EFCAB11: variants seen among roughly 807,000 people sequenced by gnomAD.
EFCAB11 encodes the protein EF-hand calcium binding domain 11, also known as EF-hand calcium-binding domain-containing protein 11.
In EFCAB11, 14 loss-of-function variants were observed where a neutral mutation model predicts 23.0. The ratio of observed to expected loss-of-function variants is 0.61; its 90% confidence interval spans 0.40 to 0.95. EFCAB11 has a LOEUF of 0.95. Ranked by LOEUF, EFCAB11 falls within the 40% of genes least tolerant of loss-of-function variation. EFCAB11 has a pLI of 0.00. For synonymous variants in EFCAB11, 65 were observed against 66.6 expected, an observed-to-expected ratio of 0.98 and a Z score of 0.11; for missense variants, 198 against 195.8, an observed-to-expected ratio of 1.01 and a Z score of -0.07.
At chr14:89,867,983 G>A (rs760491109) in intron 5 of EFCAB11, among the ~76,000 whole-genome samples, 20 of 152,182 alleles carry the variant, frequency 1.3e-4, no homozygotes, top group Admixed American at 1.2e-3. Flanking sequence ...CCACACTAGC[G>A]ATTAACGATG....
chr14:89,840,353 T>C (rs749292178), intron 5 of EFCAB11, among the ~76,000 whole-genome samples: 1 of 152,250 alleles, frequency 6.6e-6, no homozygotes, highest in African/African-American at 2.4e-5. Flanking sequence ...AATTGTTTTG[T>C]ACTTTGCATA....
chr14:89,898,355 TTTTG>T (rs1438707759), intron 5 of EFCAB11, among the ~76,000 whole-genome samples: 5 of 137,354 alleles, frequency 3.6e-5, no homozygotes, highest in African/African-American at 1.3e-4. Context: ...TTTTTCTCGT[TTTTG>T]TTTTTGTTTT....
chr14:89,954,655 G>A lies in EFCAB11; in HGVS notation c.6C>T (p.Phe2=). 6.2e-7 allele frequency: 1 copy of A among 1,611,952 alleles called. No individual in the cohort carries two copies. The highest frequency in any genetic ancestry group is 8.5e-7 in the Non-Finnish European group (1 of 1,179,680). Residue 2 remains phenylalanine (F), a synonymous_variant, in exon 1 of 6, where the codon TTC becomes TTT. Coordinates refer to ENST00000316738, the MANE Select transcript of EFCAB11 (RefSeq NM_145231.4). ...GCGACCTGGCTCTGGCCTCGGAGAAGAACATCGCGACTACAACAACCGAGC... is the reference window on the plus strand; with the variant it reads ...GCGACCTGGCTCTGGCCTCGGAGAAAAACATCGCGACTACAACAACCGAGC... The part of the protein sequence containing the change: M[F]FSEARARSRT...
intron 5 of EFCAB11, among the ~76,000 whole-genome samples, chr14:89,798,770 G>A (rs907546678): frequency 1.3e-5 from 2 of 152,002 alleles, no homozygotes; most frequent in Admixed American, 6.6e-5. Flanking sequence ...CTCAGTAAAC[G>A]ACCTCATTGT....
intron 5 of EFCAB11, among the ~76,000 whole-genome samples, chr14:89,802,971 T>C (rs1246576543): frequency 1.3e-5 from 2 of 152,160 alleles, no homozygotes; most frequent in East Asian, 3.9e-4. Flanking sequence ...GACCAGACAA[T>C]GCTCTGATAT....
At position 89,903,406 on chromosome 14, in the gene EFCAB11, G is replaced by A. The variant is rs375566666; in HGVS notation, c.410+28135C>T. Among the ~76,000 whole-genome samples the A allele has an allele frequency of 8.5e-5, 13 of 152,120 alleles. No individual in the cohort carries two copies. The East Asian group carries it at 1.4e-3, about 16-fold the overall frequency. ...TATGGTTTCATTTTGAAAACTTCAC[G>A]CATTTGAAAAAAATTATATACTCCA... On this transcript the variant is annotated intron_variant, in intron 5 of 5. Transcript: ENST00000316738.
intron 5 of EFCAB11, among the ~76,000 whole-genome samples, chr14:89,850,734 C>T (rs4143884): frequency 0.63 from 96,241 of 152,016 alleles, 33,009 homozygotes; most frequent in Non-Finnish European, 0.79. Flanking sequence ...TGAAATTTTA[C>T]TTAATTATTT....
At chr14:89,873,484 T>G (rs2140165935) in intron 5 of EFCAB11, among the ~76,000 whole-genome samples, 1 of 152,196 alleles carries the variant, frequency 6.6e-6, no homozygotes, top group Non-Finnish European at 1.5e-5. Context: ...TCCCCCAAAG[T>G]CTTAACTAAT....
At chr14:89,847,956 A>C (rs1181991270) in intron 5 of EFCAB11, among the ~76,000 whole-genome samples, 1 of 152,176 alleles carries the variant, frequency 6.6e-6, no homozygotes, top group Non-Finnish European at 1.5e-5. Context: ...ATTAAACAAA[A>C]TAATGTATGT....
chr14:89,806,774 T>A (rs1885984149), intron 5 of EFCAB11, among the ~76,000 whole-genome samples: 1 of 152,178 alleles, frequency 6.6e-6, no homozygotes, highest in Non-Finnish European at 1.5e-5. Context: ...TCAAGCTGAA[T>A]GGCTAGGCTA....
chr14:89,933,166 C>G (rs1483923871), intron 3 of EFCAB11, among the ~76,000 whole-genome samples: 1 of 152,308 alleles, frequency 6.6e-6, no homozygotes, highest in Admixed American at 6.5e-5. Flanking sequence ...ATCTCCAGCC[C>G]TGGATACGCC....
intron 5 of EFCAB11, among the ~76,000 whole-genome samples, chr14:89,840,023 A>G (rs1268778291): frequency 1.3e-5 from 2 of 152,214 alleles, no homozygotes. Context: ...TGGTTGAGTC[A>G]AAAGGCAACA....
intron 5 of EFCAB11, among the ~76,000 whole-genome samples, chr14:89,898,199 C>A (rs1889228744): frequency 1.3e-5 from 2 of 152,176 alleles, no homozygotes; most frequent in African/African-American, 4.8e-5. Context: ...AGGTGTGAGG[C>A]CTTGCATGGG....
At chr14:89,944,618 C>A (rs2139835929) in intron 3 of EFCAB11, among the ~76,000 whole-genome samples, 1 of 152,084 alleles carries the variant, frequency 6.6e-6, no homozygotes, top group Admixed American at 6.5e-5. Context: ...TCACAAAAAA[C>A]CCTAATGAAA....
chr14:89,874,443 C>T (rs1211689332), intron 5 of EFCAB11, among the ~76,000 whole-genome samples: 2 of 152,218 alleles, frequency 1.3e-5, no homozygotes, highest in Non-Finnish European at 2.9e-5. Flanking sequence ...ATGCAAATTT[C>T]TGCAACCAGC....
chr14:89,870,609 C>G (rs912095066), intron 5 of EFCAB11, among the ~76,000 whole-genome samples: 1 of 151,898 alleles, frequency 6.6e-6, no homozygotes, highest in African/African-American at 2.4e-5. Flanking sequence ...TGAACTCACC[C>G]CCAATGTCAG....
At chr14:89,802,292 A>T (rs1456844556) in intron 5 of EFCAB11, among the ~76,000 whole-genome samples, 1 of 151,980 alleles carries the variant, frequency 6.6e-6, no homozygotes, top group Non-Finnish European at 1.5e-5. Flanking sequence ...TTAAAATGAC[A>T]TAAAGACTAT....
chr14:89,877,189 G>A (rs1414552892), intron 5 of EFCAB11, among the ~76,000 whole-genome samples: 1 of 151,994 alleles, frequency 6.6e-6, no homozygotes, highest in African/African-American at 2.4e-5. Flanking sequence ...ATAGGTGTGT[G>A]CCACCACACC....
chr14:89,857,569 G>A (rs1044770619), intron 5 of EFCAB11, among the ~76,000 whole-genome samples: 1 of 152,010 alleles, frequency 6.6e-6, no homozygotes, highest in Non-Finnish European at 1.5e-5. Context: ...ATGGTCATTG[G>A]TTCCATTTTT....
Sources: allele counts gnomAD v4.1 joint callset (sites outside exome capture counted in the v4.1 genomes callset), GRCh38; gene constraint gnomAD v4.1.1; transcripts MANE v1.5; gene names NCBI Gene and HGNC (gene_info 2026-07-23, HGNC 2026-07-21).